The following IFT25 variants were observed in gnomAD, a reference collection of about 807,000 sequenced individuals.
The protein encoded by IFT25 is intraflagellar transport 25.
chr1:53,912,905 G>A, the IFT25 span, among the ~76,000 whole-genome samples: 1 of 152,178 alleles, frequency 6.6e-6, no homozygotes, highest in Non-Finnish European at 1.5e-5. Context: ...TTACTAACAA[G>A]TTCTCAGGTG....
the IFT25 span, among the ~76,000 whole-genome samples, chr1:53,941,023 TCA>T: frequency 2.0e-5 from 3 of 151,880 alleles, no homozygotes; most frequent in South Asian, 2.1e-4. Context: ...AGATGGAGTC[TCA>T]GTCTTGTTGC....
At chr1:53,933,903 C>T in the IFT25 span, among the ~76,000 whole-genome samples, 45 of 151,902 alleles carry the variant, frequency 3.0e-4, no homozygotes, top group African/African-American at 9.7e-4. Flanking sequence ...AATAGCTGCT[C>T]TCTAGGTTAC....
chr1:53,914,088 T>C, the IFT25 span, among the ~76,000 whole-genome samples: 14 of 152,226 alleles, frequency 9.2e-5, no homozygotes, highest in Non-Finnish European at 1.9e-4. Flanking sequence ...TCCAGCTCCA[T>C]CTTCCCTGCC....
the IFT25 span, among the ~76,000 whole-genome samples, chr1:53,915,364 A>G: frequency 6.6e-6 from 1 of 152,306 alleles, no homozygotes. Context: ...GCCCCGAGTA[A>G]TTCAATTGGA....
chr1:53,919,447 C>T, the IFT25 span, among the ~76,000 whole-genome samples: 3 of 152,174 alleles, frequency 2.0e-5, no homozygotes, highest in African/African-American at 7.2e-5. Flanking sequence ...GCACCTAGAT[C>T]CCTAACCTGC....
At chr1:53,943,236 T>C in the IFT25 span, among the ~76,000 whole-genome samples, 1 of 152,172 alleles carries the variant, frequency 6.6e-6, no homozygotes, top group Non-Finnish European at 1.5e-5. Context: ...TCATAATCTA[T>C]GGAAGAAGGC....
At chr1:53,930,127 C>G in the IFT25 span, 2 of 1,553,916 alleles carry the variant, frequency 1.3e-6, no homozygotes, top group Non-Finnish European at 1.7e-6. Flanking sequence ...CTGTGGTGGT[C>G]CAAAACGTTT....
the IFT25 span, among the ~76,000 whole-genome samples, chr1:53,917,482 T>C: frequency 6.6e-6 from 1 of 152,180 alleles, no homozygotes; most frequent in African/African-American, 2.4e-5. Flanking sequence ...TCACACATAG[T>C]AAAAGGAATA....
At chr1:53,923,658 G>T in the IFT25 span, 3 of 377,422 alleles carry the variant, frequency 7.9e-6, no homozygotes, top group Non-Finnish European at 1.4e-5. Flanking sequence ...AAATGAATGA[G>T]AAAAATAAAA....
chr1:53,924,343 G>A, the IFT25 span, among the ~76,000 whole-genome samples: 4 of 152,248 alleles, frequency 2.6e-5, no homozygotes, highest in East Asian at 5.8e-4. Context: ...CCATAGCCAC[G>A]GGAAACAACT....
the IFT25 span, chr1:53,939,991 A>G: frequency 3.5e-5 from 55 of 1,574,838 alleles, no homozygotes; most frequent in South Asian, 2.9e-4. Context: ...TTACCCATCA[A>G]TGATATTTTC....
At chr1:53,921,542 A>T in the IFT25 span, 5 of 727,218 alleles carry the variant, frequency 6.9e-6, no homozygotes, top group Non-Finnish European at 1.2e-5. Flanking sequence ...AAAAGAATGT[A>T]AATAAAAACT....
the IFT25 span, among the ~76,000 whole-genome samples, chr1:53,913,217 T>G: frequency 6.6e-6 from 1 of 152,232 alleles, no homozygotes; most frequent in Admixed American, 6.5e-5. Flanking sequence ...GGCAGTCTAC[T>G]TCTCCGGTGC....
chr1:53,916,178 C>CAAA, the IFT25 span, among the ~76,000 whole-genome samples: 69 of 68,448 alleles, frequency 1.0e-3, no homozygotes, highest in African/African-American at 3.5e-3. Context: ...GACCTGCTCT[C>CAAA]AAAAAAAAAA....
chr1:53,933,608 CTTTATA>C, the IFT25 span, among the ~76,000 whole-genome samples: 1 of 152,136 alleles, frequency 6.6e-6, no homozygotes, highest in Non-Finnish European at 1.5e-5. Flanking sequence ...CTATTCATAT[CTTTATA>C]TTTAAAGTGC....
chr1:53,916,717 T>C, the IFT25 span: 20 of 348,602 alleles, frequency 5.7e-5, no homozygotes, highest in African/African-American at 3.4e-4. Flanking sequence ...TTTCACTTTT[T>C]GCTCTACTCA....
chr1:53,911,832 T>TAGTCC, the IFT25 span, among the ~76,000 whole-genome samples: 6 of 152,182 alleles, frequency 3.9e-5, no homozygotes, highest in Non-Finnish European at 7.3e-5. Flanking sequence ...CAATAGTGCC[T>TAGTCC]AGTCCATAGA....
the IFT25 span, among the ~76,000 whole-genome samples, chr1:53,929,164 C>A: frequency 2.0e-5 from 3 of 152,130 alleles, no homozygotes; most frequent in Non-Finnish European, 1.5e-5. Flanking sequence ...TGGGAGACAC[C>A]AGGGGGAGAC....
At chr1:53,941,586 T>C in the IFT25 span, among the ~76,000 whole-genome samples, 1 of 152,224 alleles carries the variant, frequency 6.6e-6, no homozygotes, top group Non-Finnish European at 1.5e-5. Flanking sequence ...ACACTATTGA[T>C]ACCAGAGAAC....
Sources: gnomAD v4.1 joint callset for allele counts (sites outside exome capture counted in the v4.1 genomes callset) on GRCh38, gnomAD v4.1.1 for gene constraint, MANE v1.5 for transcripts, NCBI Gene and HGNC (gene_info 2026-07-23, HGNC 2026-07-21) for gene names.